Variants in FOXP2 observed in about 807,000 individuals in gnomAD.
FOXP2 encodes the protein forkhead box P2.
A neutral mutation model predicts 115.8 loss-of-function variants in FOXP2; 12 were observed. That is an observed-to-expected ratio of 0.10 (90% CI 0.07 to 0.17). The LOEUF (loss-of-function observed/expected upper bound fraction) is 0.17. Among genes scored for constraint, FOXP2 ranks in the 10% least tolerant of loss-of-function variants. The pLI is 1.00. For missense variants in FOXP2, 629 were observed against 843.5 expected (o/e 0.75, Z 3.15); for synonymous variants, 328 against 297.7 (o/e 1.10, Z -1.05).
At chr7:114,086,395 G>A, upstream of FOXP2, 2 of 352,930 alleles carry the variant, frequency 5.7e-6, no homozygotes, top group Non-Finnish European at 5.5e-6. Context: ...CTAGCCCCGC[G>A]CCACCCGCAG....
intron 1 of FOXP2, among the ~76,000 whole-genome samples, chr7:114,255,025 C>T: frequency 6.6e-6 from 1 of 152,202 alleles, no homozygotes; most frequent in African/African-American, 2.4e-5. Flanking sequence ...GGACCCTCAG[C>T]TGCAGGTCTG....
At chr7:114,430,413 T>C (rs973288723) in intron 2 of FOXP2, among the ~76,000 whole-genome samples, 6 of 151,752 alleles carry the variant, frequency 4.0e-5, no homozygotes, top group Non-Finnish European at 7.4e-5. Context: ...CAATTTATTC[T>C]CATTGATTGA....
intron 14 of FOXP2, 37 bp from the exon 15 acceptor site, chr7:114,663,413 T>C: frequency 7.2e-6 from 10 of 1,397,104 alleles, no homozygotes; most frequent in Non-Finnish European, 1.0e-5. Context: ...TTTTATATTT[T>C]GACGTATAAA....
At chr7:114,102,696 CCA>C (rs10624558) in intron 1 of FOXP2, among the ~76,000 whole-genome samples, 20,245 of 136,302 alleles carry the variant, frequency 0.15, 1,525 homozygotes, top group Non-Finnish European at 0.2. Flanking sequence ...ACACCACACA[CCA>C]CACACACACA....
At chr7:114,504,896 T>C (rs1361079109) in intron 2 of FOXP2, among the ~76,000 whole-genome samples, 1 of 151,650 alleles carries the variant, frequency 6.6e-6, no homozygotes, top group African/African-American at 2.4e-5. Context: ...AGGATCTCAC[T>C]CAGCCTTGAC....
chr7:114,191,231 G>A (rs1350297446), intron 1 of FOXP2, among the ~76,000 whole-genome samples: 3 of 152,082 alleles, frequency 2.0e-5, no homozygotes, highest in Non-Finnish European at 2.9e-5. Context: ...AGGGCTAAAT[G>A]TATACCTTTC....
rs545417970 is a variant in FOXP2, at chr7:114,167,344, A to G, written c.-102+4256A>G. Among the ~76,000 whole-genome samples the G allele has an allele frequency of 1.9e-4, 29 of 152,334 alleles. 1 individual carries two copies. The South Asian group carries it at 5.4e-3, about 28-fold the overall frequency. On this transcript the variant is annotated intron_variant, in intron 1 of 17. Coordinates refer to the FOXP2 transcript ENST00000634411. ...TTGAAGCTATATGAAGTGGCTGCAT[A>G]CTGTATGATTCCAACCACAGGCATA... is the stretch of plus-strand genomic sequence containing the variant.
At chr7:114,470,577 G>A (rs1421882832) in intron 2 of FOXP2, among the ~76,000 whole-genome samples, 1 of 152,108 alleles carries the variant, frequency 6.6e-6, no homozygotes, top group East Asian at 1.9e-4. Context: ...GCACGTAGTA[G>A]ATGTTGGGTC....
chr7:114,203,693 C>A (rs1457921037), intron 1 of FOXP2, among the ~76,000 whole-genome samples: 1 of 152,144 alleles, frequency 6.6e-6, no homozygotes, highest in Non-Finnish European at 1.5e-5. Context: ...GTTTGGCTTA[C>A]AAACTGATAT....
chr7:114,214,544 G>T (rs1794440616), intron 1 of FOXP2, among the ~76,000 whole-genome samples: 1 of 152,136 alleles, frequency 6.6e-6, no homozygotes, highest in African/African-American at 2.4e-5. Flanking sequence ...CTGAAGTTCA[G>T]AGGCCTGTAA....
At chr7:114,504,240 T>C (rs1246907444) in intron 2 of FOXP2, among the ~76,000 whole-genome samples, 1 of 151,692 alleles carries the variant, frequency 6.6e-6, no homozygotes, top group Non-Finnish European at 1.5e-5. Context: ...AAATGTTATA[T>C]TGATAATTTT....
intron 16 of FOXP2, among the ~76,000 whole-genome samples, chr7:114,687,686 A>G (rs945427468): frequency 2.0e-5 from 3 of 152,190 alleles, no homozygotes; most frequent in Middle Eastern, 3.2e-3. Flanking sequence ...TTAAGTACAT[A>G]TCTCTAGGAT....
chr7:114,120,228 G>A (rs1016917700), intron 1 of FOXP2, among the ~76,000 whole-genome samples: 27 of 152,126 alleles, frequency 1.8e-4, no homozygotes, highest in Non-Finnish European at 3.4e-4. Flanking sequence ...TCAGTCACAT[G>A]CTAGGAGAAC....
chr7:114,637,476 C>T (rs1805284132), intron 6 of FOXP2, among the ~76,000 whole-genome samples: 1 of 152,150 alleles, frequency 6.6e-6, no homozygotes, highest in South Asian at 2.1e-4. Flanking sequence ...GTCTAGTCCA[C>T]AGATTCCCAG....
chr7:114,557,437 G>T (rs1800519259), intron 3 of FOXP2, among the ~76,000 whole-genome samples: 1 of 152,104 alleles, frequency 6.6e-6, no homozygotes, highest in African/African-American at 2.4e-5. Context: ...GTGAAATTAT[G>T]CTCTGAATGC....
intron 1 of FOXP2, among the ~76,000 whole-genome samples, chr7:114,146,883 A>G (rs1225741107): frequency 6.6e-6 from 1 of 152,194 alleles, no homozygotes; most frequent in East Asian, 1.9e-4. Context: ...CCAGCTTGAC[A>G]GATGGCCACC....
intron 2 of FOXP2, among the ~76,000 whole-genome samples, chr7:114,340,964 C>T (rs1313710620): frequency 6.6e-6 from 1 of 150,960 alleles, no homozygotes; most frequent in African/African-American, 2.4e-5. Flanking sequence ...TAGAGGTAAG[C>T]TAAGTGCTTA....
chr7:114,333,871 G>A (rs548572038), intron 2 of FOXP2, among the ~76,000 whole-genome samples: 2 of 150,818 alleles, frequency 1.3e-5, no homozygotes, highest in African/African-American at 2.4e-5. Context: ...TTGGGTGACC[G>A]AGTGAGACTC....
chr7:114,225,467 C>T (rs1286024514), intron 1 of FOXP2, among the ~76,000 whole-genome samples: 1 of 151,878 alleles, frequency 6.6e-6, no homozygotes, highest in Non-Finnish European at 1.5e-5. Flanking sequence ...TTTTTAGAGG[C>T]AGGGTCTTTC....
Sources: gnomAD v4.1 joint callset for allele counts (sites outside exome capture counted in the v4.1 genomes callset) on GRCh38, gnomAD v4.1.1 for gene constraint, MANE v1.5 for transcripts, NCBI Gene and HGNC (gene_info 2026-07-23, HGNC 2026-07-21) for gene names.